AMOTL1: variants seen among roughly 807,000 people sequenced by gnomAD.
The protein encoded by AMOTL1 is angiomotin like 1, also known as angiomotin-like protein 1.
In AMOTL1, 45 loss-of-function variants were observed where a neutral mutation model predicts 102.9. That is an observed-to-expected ratio of 0.44 (90% CI 0.34 to 0.56). The LOEUF (loss-of-function observed/expected upper bound fraction) is 0.56. AMOTL1 is among the 20% of genes least tolerant of loss of function. AMOTL1 has a pLI of 0.01. For synonymous variants in AMOTL1, 481 were observed against 484.7 expected, an observed-to-expected ratio of 0.99 and a Z score of 0.10; for missense variants, 1,114 against 1,225.6, an observed-to-expected ratio of 0.91 and a Z score of 1.36.
intron 6 of AMOTL1, among the ~76,000 whole-genome samples, chr11:94,848,923 T>C (rs1026866209): frequency 6.6e-6 from 1 of 152,370 alleles, no homozygotes; most frequent in Middle Eastern, 3.4e-3. Flanking sequence ...TATGAATGAA[T>C]GCAAACACTG....
intron 4 of AMOTL1, among the ~76,000 whole-genome samples, chr11:94,828,646 T>A (rs1392588569): frequency 6.6e-6 from 1 of 152,210 alleles, no homozygotes; most frequent in Non-Finnish European, 1.5e-5. Context: ...GCTGTCCTTA[T>A]TTCTGTATCG....
intron 3 of AMOTL1, among the ~76,000 whole-genome samples, chr11:94,814,963 C>G (rs1302218884): frequency 1.3e-5 from 2 of 152,156 alleles, no homozygotes; most frequent in African/African-American, 2.4e-5. Context: ...TCATGAGAAG[C>G]CTGGTAAATT....
chr11:94,727,106 A>G (rs1950273699), intron 1 of AMOTL1, among the ~76,000 whole-genome samples: 1 of 152,170 alleles, frequency 6.6e-6, no homozygotes, highest in African/African-American at 2.4e-5. Context: ...CACTGGGCCA[A>G]GAGAGATGGG....
chr11:94,800,397 G>T, intron 3 of AMOTL1, 86 bp downstream of exon 3: 1 of 1,420,880 alleles, frequency 7.0e-7, no homozygotes, highest in Non-Finnish European at 9.4e-7. Flanking sequence ...GAGCAGATTA[G>T]GTTTTTGTCA....
chr11:94,770,454 G>A (rs559293362), intron 1 of AMOTL1, among the ~76,000 whole-genome samples: 2 of 152,270 alleles, frequency 1.3e-5, no homozygotes, highest in South Asian at 2.1e-4. Context: ...TGATGGTGGT[G>A]GGGGTTGGGG....
chr11:94,746,951 G>C (rs902468669), intron 3 of AMOTL1, among the ~76,000 whole-genome samples: 1 of 151,932 alleles, frequency 6.6e-6, no homozygotes, highest in Non-Finnish European at 1.5e-5. Flanking sequence ...TGTGACCCGT[G>C]AGACACTTTA....
At chr11:94,731,155 G>T (rs1338925037) in intron 2 of AMOTL1, among the ~76,000 whole-genome samples, 3 of 152,180 alleles carry the variant, frequency 2.0e-5, no homozygotes, top group Non-Finnish European at 2.9e-5. Flanking sequence ...TACTGCTTTT[G>T]GGTAAGTGAC....
chr11:94,778,757 T>C (rs1251600221), intron 1 of AMOTL1, among the ~76,000 whole-genome samples: 1 of 152,200 alleles, frequency 6.6e-6, no homozygotes, highest in African/African-American at 2.4e-5. Flanking sequence ...GCAAGAAGAC[T>C]GAGAGCGCAT....
chr11:94,725,688 T>C (rs183405369), intron 1 of AMOTL1, among the ~76,000 whole-genome samples: 155 of 152,066 alleles, frequency 1.0e-3, no homozygotes, highest in African/African-American at 3.6e-3. Flanking sequence ...GGAAGATAAG[T>C]TGTAGTTAGC....
chr11:94,734,749 C>T (rs1321924963), intron 2 of AMOTL1, among the ~76,000 whole-genome samples: 1 of 152,134 alleles, frequency 6.6e-6, no homozygotes, highest in Non-Finnish European at 1.5e-5. Flanking sequence ...AGGCTACCTG[C>T]AGAGAAGATG....
chr11:94,809,153 T>C (rs1371900619), intron 3 of AMOTL1, among the ~76,000 whole-genome samples: 3 of 152,024 alleles, frequency 2.0e-5, no homozygotes, highest in Non-Finnish European at 2.9e-5. Context: ...GTATTTTTAG[T>C]AGAGATGGAG....
chr11:94,821,485 C>T (rs750425748), intron 3 of AMOTL1, 45 bp from the exon 4 acceptor site: 2 of 1,580,336 alleles, frequency 1.3e-6, no homozygotes, highest in South Asian at 2.4e-5. Context: ...TTCCTGCTCC[C>T]ACCATTTCCC....
chr11:94,739,262 C>G (rs540933384), intron 2 of AMOTL1, among the ~76,000 whole-genome samples: 1 of 152,218 alleles, frequency 6.6e-6, no homozygotes, highest in Non-Finnish European at 1.5e-5. Context: ...TGGGAGGATT[C>G]TAGGAGTTGG....
intron 11 of AMOTL1, among the ~76,000 whole-genome samples, chr11:94,867,373 G>A (rs1453704182): frequency 6.6e-6 from 1 of 152,188 alleles, no homozygotes; most frequent in South Asian, 2.1e-4. Context: ...AGCCAGGCCT[G>A]GTCAAGGAGT....
chr11:94,789,390 C>T (rs770731558), intron 1 of AMOTL1, among the ~76,000 whole-genome samples: 9 of 152,216 alleles, frequency 5.9e-5, no homozygotes, highest in African/African-American at 1.9e-4. Flanking sequence ...AACTCCTGAC[C>T]TCAAGTAATC....
At position 94,768,575 on chromosome 11, in the gene AMOTL1, C is replaced by G; in HGVS notation, c.49+15C>G. The G allele has an allele frequency of 6.3e-7, 1 of 1,587,378 alleles. No individual in the cohort carries two copies. The highest frequency in any genetic ancestry group is 2.3e-5 in the East Asian group (1 of 43,192). On this transcript the variant is annotated intron_variant, in intron 1 of 12. Transcript: ENST00000433060. ...TGCGGTGAAAGGTAACCAGCCCCCACTCGAGGTGCCGGGAGGGCGTCTCCG... is the reference window on the plus strand; with the variant it reads ...TGCGGTGAAAGGTAACCAGCCCCCAGTCGAGGTGCCGGGAGGGCGTCTCCG...
In AMOTL1 at chr11:94,864,866, G is replaced by C. The variant is rs371193504; in HGVS notation, c.2261+6G>C. Reference sequence around the variant, plus strand: ...TGTCAGGACATGGAATACACGTAAGGGACGACTATGTGTGACGTGTGGGGC... The same window carrying C: ...TGTCAGGACATGGAATACACGTAAGCGACGACTATGTGTGACGTGTGGGGC... On this transcript the variant is annotated splice_donor_region_variant and intron_variant, in intron 10 of 12. Transcript: ENST00000433060. 6.2e-7 allele frequency: 1 copy of C among 1,611,808 alleles called. No homozygotes were observed. Among genetic ancestry groups the C allele is most frequent in the African/African-American group, 1.3e-5 (1 of 74,878 alleles).
Position 94,812,512 on chromosome 11 carries a change from A to G in AMOTL1, c.1122-9018A>G, listed in dbSNP as rs1031009690. Reference sequence around the variant, plus strand: ...AAACAGTAGGGCAGAGGAAGCAATCACATGTATTTCTCAGGTAAGCAGAGG... The same window carrying G: ...AAACAGTAGGGCAGAGGAAGCAATCGCATGTATTTCTCAGGTAAGCAGAGG... On this transcript the variant is annotated intron_variant, in intron 3 of 12. Coordinates refer to ENST00000433060, the MANE Select transcript of AMOTL1 (RefSeq NM_130847.3). Among the ~76,000 whole-genome samples the G allele has an allele frequency of 7.2e-5, 11 of 152,244 alleles. No individual in the cohort carries two copies. The South Asian group carries it at 2.3e-3, about 31-fold the overall frequency.
At chr11:94,795,519 G>A (rs1446567145) in intron 2 of AMOTL1, among the ~76,000 whole-genome samples, 1 of 151,434 alleles carries the variant, frequency 6.6e-6, no homozygotes, top group East Asian at 1.9e-4. Context: ...ATCTCTTTTT[G>A]CAAATAATTT....
Sources: allele counts gnomAD v4.1 joint callset (sites outside exome capture counted in the v4.1 genomes callset), GRCh38; gene constraint gnomAD v4.1.1; transcripts MANE v1.5; gene names NCBI Gene and HGNC (gene_info 2026-07-23, HGNC 2026-07-21).